The following GSE1 variants were observed in gnomAD, a reference collection of about 807,000 sequenced individuals.
GSE1 encodes the protein genetic suppressor element 1.
GSE1 carries 32 observed loss-of-function variants against 112.6 expected under a neutral mutation model. The ratio of observed to expected loss-of-function variants is 0.28; its 90% CI spans 0.21 to 0.38. GSE1 has a LOEUF of 0.38. GSE1 is among the 10% of genes least tolerant of loss of function. The pLI is 1.00. For missense variants in GSE1, 2,348 were observed against 1,699.2 expected, an observed-to-expected ratio of 1.38 and a Z score of -6.71; for synonymous variants, 1,115 against 735.6, an observed-to-expected ratio of 1.52 and a Z score of -8.35.
intron 1 of GSE1, among the ~76,000 whole-genome samples, chr16:85,301,990 C>T (rs1567673925): frequency 1.3e-5 from 2 of 152,202 alleles, no homozygotes; most frequent in African/African-American, 4.8e-5. Context: ...TGGGGCACAG[C>T]GCTGGAGAAC....
At chr16:85,190,244 C>T (rs1366599858) in intron 1 of GSE1, among the ~76,000 whole-genome samples, 2 of 152,176 alleles carry the variant, frequency 1.3e-5, no homozygotes, top group East Asian at 3.8e-4. Context: ...TTTATGAAAA[C>T]TTGGATAAGT....
chr16:85,488,567 G>C (rs2050913065), intron 2 of GSE1, among the ~76,000 whole-genome samples: 2 of 151,968 alleles, frequency 1.3e-5, no homozygotes, highest in South Asian at 4.2e-4. Flanking sequence ...CAGCCAGACA[G>C]GGAAGGGCAG....
chr16:85,197,730 A>G (rs1305583858), intron 1 of GSE1, among the ~76,000 whole-genome samples: 2 of 152,122 alleles, frequency 1.3e-5, no homozygotes, highest in Admixed American at 1.3e-4. Context: ...AGAGCAAGCA[A>G]CTTCATCTGC....
chr16:85,252,660 A>G (rs1249750977), intron 1 of GSE1, among the ~76,000 whole-genome samples: 1 of 152,146 alleles, frequency 6.6e-6, no homozygotes, highest in South Asian at 2.1e-4. Flanking sequence ...TCAGGGGAGG[A>G]GGAAACTGAG....
chr16:85,628,437 C>T (rs2049260441), intron 1 of GSE1, among the ~76,000 whole-genome samples: 1 of 152,130 alleles, frequency 6.6e-6, no homozygotes, highest in Non-Finnish European at 1.5e-5. Flanking sequence ...TGTCAGAGGC[C>T]GGGGTAGGGA....
intron 1 of GSE1, among the ~76,000 whole-genome samples, chr16:85,246,448 C>CT (rs1217584526): frequency 7.2e-5 from 10 of 138,900 alleles, no homozygotes; most frequent in African/African-American, 2.6e-4. Flanking sequence ...CACACACACA[C>CT]ACACACACAC....
At chr16:85,331,121 ATTG>A (rs1008910643) in intron 1 of GSE1, among the ~76,000 whole-genome samples, 15 of 150,876 alleles carry the variant, frequency 9.9e-5, no homozygotes, top group Non-Finnish European at 2.1e-4. Context: ...TTGTTTTTTT[ATTG>A]TTATTATTTA....
intron 8 of GSE1, 76 bp from the exon 9 acceptor site, chr16:85,661,070 G>A (rs538664575): frequency 3.1e-5 from 43 of 1,400,486 alleles, no homozygotes; most frequent in East Asian, 4.6e-5. Flanking sequence ...TCTTAGGAGC[G>A]GCAGGCAGCC....
At chr16:85,486,722 C>T (rs540776363) in intron 2 of GSE1, among the ~76,000 whole-genome samples, 18 of 152,202 alleles carry the variant, frequency 1.2e-4, no homozygotes, top group South Asian at 1.0e-3. Flanking sequence ...TCTCCATGCC[C>T]GGGACGGAGC....
chr16:85,170,309 A>G (rs2074338661), exon 1 of GSE1: 1 of 985,402 alleles, frequency 1.0e-6, no homozygotes, highest in Non-Finnish European at 1.2e-6. Flanking sequence ...GTTGGGAGGC[A>G]CTGGGTTCCC....
At chr16:85,538,005 C>T (rs2044389935) in intron 2 of GSE1, among the ~76,000 whole-genome samples, 2 of 152,158 alleles carry the variant, frequency 1.3e-5, no homozygotes, top group African/African-American at 4.8e-5. Context: ...GGCCATGGAG[C>T]CAGAAGTGCA....
At chr16:85,493,459 A>ATTAGCCAGC (rs1340668921) in intron 2 of GSE1, among the ~76,000 whole-genome samples, 1 of 151,992 alleles carries the variant, frequency 6.6e-6, no homozygotes, top group East Asian at 1.9e-4. Flanking sequence ...AAAAAATTAT[A>ATTAGCCAGC]TTAGCCAGCT....
At chr16:85,650,771 G>T (rs1235030166) in intron 3 of GSE1, among the ~76,000 whole-genome samples, 2 of 152,094 alleles carry the variant, frequency 1.3e-5, no homozygotes, top group Non-Finnish European at 1.5e-5. Context: ...CTCTCGGAGT[G>T]GGGAGGCAGA....
At chr16:85,462,903 ACGCCCCGGCTGCTCCGTGC>A (rs1377246094) in intron 2 of GSE1, among the ~76,000 whole-genome samples, 1 of 149,818 alleles carries the variant, frequency 6.7e-6, no homozygotes, top group Admixed American at 6.6e-5. Context: ...CCGCGCAGGG[ACGCCCCGGCTGCTCCGTGC>A]CGCCCCGCAG....
chr16:85,190,113 C>G (rs1165456685), intron 1 of GSE1, among the ~76,000 whole-genome samples: 1 of 152,166 alleles, frequency 6.6e-6, no homozygotes, highest in East Asian at 1.9e-4. Context: ...GCACACTTCC[C>G]AAGCCTGATC....
chr16:85,521,394 T>C (rs2052181124), intron 2 of GSE1, among the ~76,000 whole-genome samples: 1 of 152,112 alleles, frequency 6.6e-6, no homozygotes, highest in Non-Finnish European at 1.5e-5. Flanking sequence ...CTGTCTCCCA[T>C]CCACTGCCGT....
chr16:85,461,072 G>T (rs891189659), intron 2 of GSE1, among the ~76,000 whole-genome samples: 1 of 152,368 alleles, frequency 6.6e-6, no homozygotes, highest in East Asian at 1.9e-4. Context: ...CACACCCTTA[G>T]GGAGCACCTG....
At chr16:85,447,821 C>T (rs2049556640) in intron 2 of GSE1, among the ~76,000 whole-genome samples, 1 of 152,242 alleles carries the variant, frequency 6.6e-6, no homozygotes, top group African/African-American at 2.4e-5. Context: ...GCCTTTCACA[C>T]AGCTCAGTGG....
At chr16:85,651,113 C>T (rs1475143422) in intron 3 of GSE1, among the ~76,000 whole-genome samples, 2 of 143,020 alleles carry the variant, frequency 1.4e-5, no homozygotes, top group Non-Finnish European at 3.1e-5. Flanking sequence ...TTCATCGTTG[C>T]AGCTGCGGCT....
Sources: allele counts gnomAD v4.1 joint callset (sites outside exome capture counted in the v4.1 genomes callset), GRCh38; gene constraint gnomAD v4.1.1; transcripts MANE v1.5; gene names NCBI Gene and HGNC (gene_info 2026-07-23, HGNC 2026-07-21).